Variants in AGPAT5 observed in about 807,000 individuals in gnomAD.
AGPAT5 encodes 1-acylglycerol-3-phosphate O-acyltransferase 5.
Under a neutral mutation model 45.6 loss-of-function variants are expected in AGPAT5, and 46 were observed. The ratio of observed to expected loss-of-function variants is 1.01; its 90% CI spans 0.80 to 1.29. The LOEUF (loss-of-function observed/expected upper bound fraction) is 1.29, where lower values mean the gene tolerates loss of function less well. AGPAT5 is among the 50% of genes most tolerant of loss of function. The pLI is 0.00. For synonymous variants in AGPAT5, 272 were observed against 167.0 expected (o/e 1.63, Z -4.85); for missense variants, 673 against 450.7 (o/e 1.49, Z -4.47).
At chr8:6,709,194 G>A (rs1433528348) in intron 1 of AGPAT5, 1 of 439,460 alleles carries the variant, frequency 2.3e-6, no homozygotes. Flanking sequence ...AAATAATAGG[G>A]CACGCGTTTA....
At chr8:6,740,634 G>A (rs1468238367) in intron 4 of AGPAT5, among the ~76,000 whole-genome samples, 1 of 151,898 alleles carries the variant, frequency 6.6e-6, no homozygotes, top group African/African-American at 2.4e-5. Context: ...GAAGCTGAAA[G>A]TACGAAATTT....
At chr8:6,708,989 G>A (rs758376470) in intron 1 of AGPAT5, 102 bp downstream of exon 1, 10 of 1,162,004 alleles carry the variant, frequency 8.6e-6, no homozygotes, top group Non-Finnish European at 1.2e-5. Context: ...CGGCCGGCCC[G>A]GCGGACCCAG....
At chr8:6,742,451 G>A (rs1801272540) in intron 5 of AGPAT5, among the ~76,000 whole-genome samples, 1 of 152,140 alleles carries the variant, frequency 6.6e-6, no homozygotes, top group Admixed American at 6.5e-5. Context: ...AGGTGTCTTT[G>A]AAGCTTGACT....
rs141162734 is a variant in AGPAT5 at position 6,727,661 on chromosome 8, G to A, written c.289+2722G>A. The stretch of plus-strand genomic sequence containing the variant: ...CTCCCAAAGTGCAGGGATTACAGGC[G>A]TGAGCCACTGTGCCCTGCCTGCTAT... On this transcript the variant is annotated intron_variant, in intron 2 of 7. Coordinates refer to ENST00000285518, the MANE Select transcript of AGPAT5 (RefSeq NM_018361.5). Among the ~76,000 whole-genome samples the A allele has an allele frequency of 3.5e-3, 532 of 152,354 alleles. 3 individuals are homozygous for A. Among genetic ancestry groups the A allele is most frequent in the African/African-American group, 0.012 (507 of 41,580 alleles).
intron 4 of AGPAT5, among the ~76,000 whole-genome samples, chr8:6,740,648 G>A (rs1453621960): frequency 6.6e-6 from 1 of 152,026 alleles, no homozygotes; most frequent in African/African-American, 2.4e-5. Flanking sequence ...GAAATTTTTA[G>A]ATACCATTAT....
intron 4 of AGPAT5, among the ~76,000 whole-genome samples, chr8:6,736,033 T>C (rs536743200): frequency 6.6e-6 from 1 of 152,054 alleles, no homozygotes; most frequent in South Asian, 2.1e-4. Flanking sequence ...TTTGTATTTT[T>C]AGTAGAGACA....
At chr8:6,747,187 A>C (rs1801502553) in intron 5 of AGPAT5, among the ~76,000 whole-genome samples, 1 of 152,240 alleles carries the variant, frequency 6.6e-6, no homozygotes, top group Non-Finnish European at 1.5e-5. Context: ...AATACTAACT[A>C]TTCAGCCATA....
rs1402877186 is a variant in AGPAT5, at chr8:6,730,332, TTTTTTTTTTTTTTTTTG to T, written c.290-378_290-362del. Among the ~76,000 whole-genome samples the T allele has an allele frequency of 5.4e-4, 12 of 22,380 alleles. 4 individuals are homozygous for T. The highest frequency in any genetic ancestry group is 1.5e-3 in the African/African-American group (2 of 1,306). The allele number at this position is 22,380 out of a possible 152,430, so 14.7% of individuals were successfully genotyped here. On this transcript the variant is annotated intron_variant, in intron 2 of 7. Coordinates refer to ENST00000285518, the MANE Select transcript of AGPAT5 (RefSeq NM_018361.5). The stretch of plus-strand genomic sequence containing the variant: ...TAATCATAGGACTTTTTTTTTTTTT[TTTTTTTTTTTTTTTTTG>T]GAGACGGAGTCTCGCTGTCGCCCAG...
intron 1 of AGPAT5, among the ~76,000 whole-genome samples, chr8:6,714,024 T>C (rs951053971): frequency 1.3e-5 from 2 of 152,198 alleles, no homozygotes; most frequent in South Asian, 4.1e-4. Flanking sequence ...GAATGAAACA[T>C]GTTTACTTAG....
chr8:6,720,358 T>G (rs1380854980), intron 1 of AGPAT5, among the ~76,000 whole-genome samples: 1 of 152,218 alleles, frequency 6.6e-6, no homozygotes, highest in Non-Finnish European at 1.5e-5. Flanking sequence ...CATGGGTTAT[T>G]TTTAAAGGTA....
chr8:6,709,050 C>T (rs777027450), intron 1 of AGPAT5, 163 bp downstream of exon 1: 5 of 758,830 alleles, frequency 6.6e-6, no homozygotes, highest in Admixed American at 4.1e-5. Flanking sequence ...TGCTTCCTGC[C>T]GTTCTGCCGA....
intron 1 of AGPAT5, among the ~76,000 whole-genome samples, chr8:6,721,712 G>C (rs910006594): frequency 3.9e-5 from 6 of 152,196 alleles, no homozygotes; most frequent in South Asian, 4.1e-4. Context: ...TACAGTATAA[G>C]GGAGAGCAGA....
intron 2 of AGPAT5, 30 bp downstream of exon 2, chr8:6,724,969 T>A (rs1217547655): frequency 1.1e-6 from 1 of 926,218 alleles, no homozygotes; most frequent in Non-Finnish European, 1.4e-6. Flanking sequence ...GAAACATAGG[T>A]TTTTCTACAG....
intron 1 of AGPAT5, among the ~76,000 whole-genome samples, chr8:6,724,635 A>G (rs1352860673): frequency 1.4e-5 from 2 of 144,920 alleles, no homozygotes; most frequent in Non-Finnish European, 3.0e-5. Flanking sequence ...TATTTTTCTC[A>G]TGAGGATATT....
At chr8:6,726,370 A>C (rs924189143) in intron 2 of AGPAT5, among the ~76,000 whole-genome samples, 2 of 152,092 alleles carry the variant, frequency 1.3e-5, no homozygotes, top group African/African-American at 2.4e-5. Flanking sequence ...TTTCATGTAG[A>C]GTTGTCTGTT....
At chr8:6,734,978 C>A (rs1041058095) in intron 4 of AGPAT5, among the ~76,000 whole-genome samples, 17 of 152,026 alleles carry the variant, frequency 1.1e-4, no homozygotes, top group African/African-American at 4.1e-4. Flanking sequence ...ATGCCTTTCC[C>A]CACTATACTT....
rs1266211295 is a variant in AGPAT5, at chr8:6,760,457, C to G, written c.*3069C>G. Among the ~76,000 whole-genome samples, 2 of 152,016 alleles carry G rather than the reference C, an allele frequency of 1.3e-5. No individual in the cohort carries two copies. Among genetic ancestry groups the G allele is most frequent in the African/African-American group, 4.8e-5 (2 of 41,374 alleles). ...TTTGCTTATTATAGACACACAGTAA[C>G]TCCCAGATATGTACCACAAAAAATG... On this transcript the variant is annotated 3_prime_UTR_variant, in exon 8 of 8. Transcript: ENST00000285518.
intron 1 of AGPAT5, among the ~76,000 whole-genome samples, chr8:6,716,914 T>C (rs538703255): frequency 1.3e-5 from 2 of 152,216 alleles, no homozygotes; most frequent in East Asian, 1.9e-4. Context: ...TCTGTGGAAA[T>C]GTATATGAAT....
chr8:6,744,428 A>C (rs1199166324), intron 5 of AGPAT5, among the ~76,000 whole-genome samples: 1 of 152,188 alleles, frequency 6.6e-6, no homozygotes, highest in Admixed American at 6.5e-5. Context: ...AACACCACAG[A>C]TTTCTTCTCT....
Sources: gnomAD v4.1 joint callset for allele counts (sites outside exome capture counted in the v4.1 genomes callset) on GRCh38, gnomAD v4.1.1 for gene constraint, MANE v1.5 for transcripts, NCBI Gene and HGNC (gene_info 2026-07-23, HGNC 2026-07-21) for gene names.